The following NRXN1 variants were observed in gnomAD, a reference collection of about 807,000 sequenced individuals.
NRXN1 encodes the protein neurexin-1.
In NRXN1, 39 loss-of-function variants were observed where a neutral mutation model predicts 150.9. The observed-to-expected ratio is 0.26, with a 90% confidence interval of 0.20 to 0.34. NRXN1 has a LOEUF of 0.34. Among genes scored for constraint, NRXN1 ranks in the 10% least tolerant of loss-of-function variants. The pLI, the probability that NRXN1 is intolerant of heterozygous loss-of-function variation, is 1.00. For synonymous variants in NRXN1, 924 were observed against 757.0 expected (o/e 1.22, Z -3.62); for missense variants, 1,815 against 1,949.9 (o/e 0.93, Z 1.30).
intron 21 of NRXN1, among the ~76,000 whole-genome samples, chr2:50,046,576 A>AT (rs1691843908): frequency 6.6e-6 from 1 of 152,248 alleles, no homozygotes; most frequent in South Asian, 2.1e-4. Flanking sequence ...TGAAATTTCT[A>AT]TTTTTTATAG....
chr2:50,829,999 G>GGGAAAAAA (rs1425873902), intron 5 of NRXN1, among the ~76,000 whole-genome samples: 1 of 58,206 alleles, frequency 1.7e-5, no homozygotes, highest in South Asian at 7.7e-4. Flanking sequence ...CTGCCTGCTG[G>GGGAAAAAA]AAAAAAAAAA....
At chr2:50,805,747 A>C (rs1188861469) in intron 5 of NRXN1, among the ~76,000 whole-genome samples, 8 of 152,180 alleles carry the variant, frequency 5.3e-5, no homozygotes, top group Non-Finnish European at 1.0e-4. Context: ...ATTTAAAATA[A>C]ATTGTAGAAA....
intron 5 of NRXN1, among the ~76,000 whole-genome samples, chr2:50,799,174 A>G (rs1707250241): frequency 6.6e-6 from 1 of 152,164 alleles, no homozygotes; most frequent in African/African-American, 2.4e-5. Context: ...ATGCCGTGGG[A>G]TGATACTGCA....
intron 17 of NRXN1, among the ~76,000 whole-genome samples, chr2:50,279,664 A>G (rs2071137190): frequency 6.6e-6 from 1 of 152,226 alleles, no homozygotes; most frequent in Non-Finnish European, 1.5e-5. Context: ...TGATTTTACT[A>G]AAGACAGCCA....
At chr2:50,562,955 C>T (rs1481834804) in intron 8 of NRXN1, among the ~76,000 whole-genome samples, 2 of 152,040 alleles carry the variant, frequency 1.3e-5, no homozygotes, top group African/African-American at 4.8e-5. Context: ...AATGTTTATA[C>T]GTTATAAACA....
chr2:50,261,918 A>C (rs1292949646), intron 17 of NRXN1, among the ~76,000 whole-genome samples: 1 of 151,868 alleles, frequency 6.6e-6, no homozygotes, highest in Non-Finnish European at 1.5e-5. Flanking sequence ...TTGAAACTAT[A>C]CAATAATCCT....
chr2:50,759,213 C>T (rs756605713), intron 5 of NRXN1, among the ~76,000 whole-genome samples: 1 of 151,846 alleles, frequency 6.6e-6, no homozygotes, highest in Non-Finnish European at 1.5e-5. Flanking sequence ...AAGGTAAGAA[C>T]TAATAATACA....
chr2:50,815,731 T>G (rs980803907), intron 5 of NRXN1, among the ~76,000 whole-genome samples: 1 of 152,166 alleles, frequency 6.6e-6, no homozygotes, highest in Admixed American at 6.6e-5. Flanking sequence ...ATGAAACATA[T>G]CCTCATAAAC....
chr2:49,974,518 TTA>T (rs1228457492), intron 21 of NRXN1, among the ~76,000 whole-genome samples: 3 of 152,176 alleles, frequency 2.0e-5, no homozygotes, highest in Non-Finnish European at 4.4e-5. Context: ...CCTTAAACTG[TTA>T]TGTGTTTTTC....
intron 12 of NRXN1, among the ~76,000 whole-genome samples, chr2:50,510,423 T>C (rs1419153360): frequency 7.9e-6 from 1 of 127,004 alleles, no homozygotes; most frequent in East Asian, 2.2e-4. Flanking sequence ...GAGGCGGAGG[T>C]TGCAGTGAGC....
At chr2:50,515,764 A>T (rs774341654) in intron 12 of NRXN1, among the ~76,000 whole-genome samples, 25 of 151,986 alleles carry the variant, frequency 1.6e-4, no homozygotes, top group Non-Finnish European at 2.9e-4. Context: ...GTGAGGCAGG[A>T]CCTTGTGAGA....
intron 18 of NRXN1, among the ~76,000 whole-genome samples, chr2:50,188,459 A>C (rs2061231554): frequency 6.6e-6 from 1 of 152,246 alleles, no homozygotes; most frequent in Admixed American, 6.5e-5. Context: ...GGACATAAGC[A>C]TGGGCAAAAA....
chr2:50,343,127 A>G (rs756063134), intron 17 of NRXN1, among the ~76,000 whole-genome samples: 8 of 152,254 alleles, frequency 5.3e-5, no homozygotes, highest in Non-Finnish European at 8.8e-5. Flanking sequence ...GTGTAAGCTA[A>G]TCATGGCAAT....
chr2:50,021,412 C>G (rs528596331), intron 21 of NRXN1, among the ~76,000 whole-genome samples: 1 of 152,098 alleles, frequency 6.6e-6, no homozygotes, highest in East Asian at 1.9e-4. Context: ...ACACAAATGA[C>G]AAAATCAAGT....
intron 22 of NRXN1, among the ~76,000 whole-genome samples, chr2:49,923,009 A>ATAAT (rs1368708753): frequency 1.3e-5 from 2 of 152,198 alleles, no homozygotes; most frequent in African/African-American, 4.8e-5. Context: ...AGATTAGATA[A>ATAAT]TAATAGAAGG....
chr2:50,041,195 T>C (rs893314327), intron 21 of NRXN1, among the ~76,000 whole-genome samples: 3 of 152,208 alleles, frequency 2.0e-5, no homozygotes, highest in African/African-American at 7.2e-5. Context: ...CCAAACTTCA[T>C]TTAAGTCTTT....
chr2:50,385,127 C>T (rs537662540), intron 17 of NRXN1, among the ~76,000 whole-genome samples: 1 of 152,164 alleles, frequency 6.6e-6, no homozygotes, highest in Admixed American at 6.5e-5. Flanking sequence ...AATCCAAACA[C>T]CCCCAAGCTA....
At chr2:49,941,906 A>T (rs1433364643) in intron 22 of NRXN1, among the ~76,000 whole-genome samples, 1 of 152,192 alleles carries the variant, frequency 6.6e-6, no homozygotes, top group East Asian at 1.9e-4. Flanking sequence ...ATGTGAGCGT[A>T]GAAGAAATGG....
At chr2:50,303,346 T>C (rs1558487920) in intron 17 of NRXN1, among the ~76,000 whole-genome samples, 1 of 152,188 alleles carries the variant, frequency 6.6e-6, no homozygotes, top group South Asian at 2.1e-4. Context: ...GATAAAACTA[T>C]GGCTATGCTC....
Sources: gnomAD v4.1 joint callset for allele counts (sites outside exome capture counted in the v4.1 genomes callset) on GRCh38, gnomAD v4.1.1 for gene constraint, MANE v1.5 for transcripts, NCBI Gene and HGNC (gene_info 2026-07-23, HGNC 2026-07-21) for gene names.